CDHR1: variants seen among roughly 807,000 people sequenced by gnomAD.
CDHR1 encodes cadherin-related family member 1.
In CDHR1, 61 loss-of-function variants were observed where a neutral mutation model predicts 72.1. The ratio of observed to expected loss-of-function variants is 0.85; its 90% CI spans 0.69 to 1.05. The LOEUF is 1.05. Among genes scored for constraint, CDHR1 ranks in the 50% least tolerant of loss-of-function variants. The pLI is 0.00. For missense variants in CDHR1, 1,186 were observed against 1,115.7 expected, an observed-to-expected ratio of 1.06 and a Z score of -0.90; for synonymous variants, 470 against 448.1, an observed-to-expected ratio of 1.05 and a Z score of -0.62.
chr10:84,197,970 C>T (rs1247877273), intron 4 of CDHR1, 134 bp downstream of exon 4: 9 of 806,676 alleles, frequency 1.1e-5, no homozygotes, highest in Non-Finnish European at 1.7e-5. Context: ...GCAAGACCTG[C>T]CCAAAGTGCC....
Position 84,216,828 on chromosome 10 carries a change from C to A in CDHR1, c.*2207C>A. 2.0e-6 allele frequency: 2 copies of A among 985,512 alleles called. No homozygotes were observed. Among genetic ancestry groups the A allele is most frequent in the Non-Finnish European group, 2.4e-6 (2 of 829,976 alleles). The allele number at this position is 985,512 out of a possible 1,614,324, so 61.0% of individuals were successfully genotyped here. On this transcript the variant is annotated 3_prime_UTR_variant, in exon 17 of 17. Transcript: ENST00000623527. ...GAGCTAGAATTAATTGCCCACTCTC[C>A]CACCCTACCAGTGCAGCCCGGCAAG...
intron 11 of CDHR1, 150 bp downstream of exon 11, chr10:84,208,527 G>C (rs1842271569): frequency 3.0e-6 from 3 of 1,002,398 alleles, no homozygotes; most frequent in Non-Finnish European, 4.6e-6. Context: ...GTAACCAAGG[G>C]GGAGAGGAGG....
chr10:84,202,738 A>C (rs78818045), intron 7 of CDHR1, among the ~76,000 whole-genome samples: 1 of 152,184 alleles, frequency 6.6e-6, no homozygotes, highest in Admixed American at 6.5e-5. Flanking sequence ...CCTGCCACTC[A>C]TCTGATATGA....
At position 84,201,962 on chromosome 10, in the gene CDHR1, C is replaced by T. The variant is rs535375339; in HGVS notation, c.639+42C>T. On this transcript the variant is annotated intron_variant, in intron 7 of 16. Transcript: ENST00000623527. ...GGGGAGCATCCAGTGTCTCCTCAGC[C>T]CTTGGGTTGGAACCAAGTTAGGTTC... 71 of 1,495,926 alleles carry T rather than the reference C, an allele frequency of 4.7e-5. 1 individual carries two copies. In the South Asian group the frequency reaches 6.9e-4, roughly 14 times the overall value. The allele number at this position is 1,495,926 out of a possible 1,614,324, so 92.7% of individuals were successfully genotyped here. A position where few individuals can be genotyped will look rare whatever the true frequency, so the allele number is the denominator to read the frequency against.
intron 9 of CDHR1, among the ~76,000 whole-genome samples, chr10:84,205,160 A>C (rs74145748): frequency 0.026 from 3,949 of 152,210 alleles, 161 homozygotes; most frequent in African/African-American, 0.089. Flanking sequence ...ACTGAGCCAG[A>C]TGAGCTGTCC....
rs992764361 is a variant in CDHR1, at chr10:84,218,392, C to T, written c.*3771C>T. On this transcript the variant is annotated 3_prime_UTR_variant, in exon 17 of 17. Coordinates refer to ENST00000623527, the MANE Select transcript of CDHR1 (RefSeq NM_033100.4). ...CCCCTTTTGAGGCCTGAATGAGGTTCGGTTATTTATTCATTTCTCAATAAT... is the reference window on the plus strand; with the variant it reads ...CCCCTTTTGAGGCCTGAATGAGGTTTGGTTATTTATTCATTTCTCAATAAT... 15 of 985,226 alleles carry T rather than the reference C, an allele frequency of 1.5e-5. No individual in the cohort carries two copies. The African/African-American group carries it at 2.1e-4, about 14-fold the overall frequency. 61.0% of individuals were successfully genotyped at this position (985,226 alleles called of 1,614,324 possible).
At chr10:84,198,449 T>C (rs1842065557) in intron 4 of CDHR1, among the ~76,000 whole-genome samples, 1 of 152,196 alleles carries the variant, frequency 6.6e-6, no homozygotes, top group Admixed American at 6.5e-5. Flanking sequence ...CAGGCCATAA[T>C]CTAGCCATAA....
chr10:84,199,170 G>T, intron 5 of CDHR1, 49 bp downstream of exon 5: 1 of 1,477,170 alleles, frequency 6.8e-7, no homozygotes, highest in Non-Finnish European at 9.3e-7. Flanking sequence ...CAGGCCCATA[G>T]CCTACCCCTG....
At chr10:84,202,052 C>T in intron 7 of CDHR1, 132 bp downstream of exon 7, 4 of 749,680 alleles carry the variant, frequency 5.3e-6, no homozygotes, top group Non-Finnish European at 9.3e-6. Context: ...TAGGGAGCAG[C>T]TGCTCGGAAT....
chr10:84,219,198 C>G, downstream of CDHR1: 1 of 1,550,860 alleles, frequency 6.4e-7, no homozygotes, highest in Non-Finnish European at 8.7e-7. Flanking sequence ...TGCATCCCCA[C>G]TGCGAAATTG....
chr10:84,205,796 G>A, intron 9 of CDHR1, 31 bp from the exon 10 acceptor site: 1 of 1,521,850 alleles, frequency 6.6e-7, no homozygotes, highest in Non-Finnish European at 9.1e-7. Context: ...GTGGTCCTGT[G>A]CAGAACTTCA....
At position 84,210,988 on chromosome 10, in the gene CDHR1, C is replaced by T. The variant is rs200115700; in HGVS notation, c.1321-13C>T. On this transcript the variant is annotated splice_polypyrimidine_tract_variant and intron_variant, in intron 12 of 16. Coordinates refer to ENST00000623527, the MANE Select transcript of CDHR1 (RefSeq NM_033100.4). ...GCCTACCCAGACAAGTCCCCATTTT[C>T]CCCCCTTCCCAGCTCCTGGCTGTTG... The T allele has an allele frequency of 5.3e-5, 85 of 1,614,096 alleles. No homozygotes were observed. Among genetic ancestry groups the T allele is most frequent in the Non-Finnish European group, 6.5e-5 (77 of 1,179,948 alleles).
chr10:84,197,868 C>A (rs537943056), intron 4 of CDHR1, 32 bp downstream of exon 4: 30 of 1,606,872 alleles, frequency 1.9e-5, no homozygotes, highest in Non-Finnish European at 2.6e-5. Context: ...TCCCTGGCAG[C>A]CTGCAGTATT....
At chr10:84,195,794 C>A (rs963794772) in intron 2 of CDHR1, among the ~76,000 whole-genome samples, 5 of 152,222 alleles carry the variant, frequency 3.3e-5, no homozygotes, top group African/African-American at 1.2e-4. Context: ...GAGACCAGGG[C>A]TCCCCCCCAC....
At position 84,216,391 on chromosome 10, in the gene CDHR1, G is replaced by C. The variant is rs537201585; in HGVS notation, c.*1770G>C. On this transcript the variant is annotated 3_prime_UTR_variant, in exon 17 of 17. Transcript: ENST00000623527. ...CCAGGAGCCCAGACTGAGCAAATAAGTACTTTCCAGCCTGTGTTTCAGGAG... is the reference window on the plus strand; with the variant it reads ...CCAGGAGCCCAGACTGAGCAAATAACTACTTTCCAGCCTGTGTTTCAGGAG... The C allele has an allele frequency of 2.7e-4, 271 of 985,524 alleles. 1 individual carries two copies. The Middle Eastern group carries it at 6.8e-3, about 25-fold the overall frequency. 61.0% of individuals were successfully genotyped at this position (985,524 alleles called of 1,614,324 possible).
Position 84,194,717 on chromosome 10 carries a change from C to A in CDHR1, c.-44C>A. 6.9e-7 allele frequency: 1 copy of A among 1,450,906 alleles called. No individual in the cohort carries two copies. The highest frequency in any genetic ancestry group is 9.0e-7 in the Non-Finnish European group (1 of 1,110,846). The allele number at this position is 1,450,906 out of a possible 1,614,324, so 89.9% of individuals were successfully genotyped here. On this transcript the variant is annotated 5_prime_UTR_variant, in exon 1 of 17. Coordinates refer to ENST00000623527, the MANE Select transcript of CDHR1 (RefSeq NM_033100.4). Reference sequence around the variant, plus strand: ...CCAGGGCATGCTCCGTGCCCCTGCGCCCGGTCTCGGCGGCGGCAGGCGACA... The same window carrying A: ...CCAGGGCATGCTCCGTGCCCCTGCGACCGGTCTCGGCGGCGGCAGGCGACA...
Position 84,214,667 on chromosome 10 carries a change from C to T in CDHR1, c.*46C>T. On this transcript the variant is annotated 3_prime_UTR_variant, in exon 17 of 17. Coordinates refer to ENST00000623527, the MANE Select transcript of CDHR1 (RefSeq NM_033100.4). ...ATCTTTCCTCCGCCCCTGACCCCCA[C>T]CACCCTGCTGCTCGGACTATGCTCC... 1 of 1,598,612 alleles carries T rather than the reference C, an allele frequency of 6.3e-7. No homozygotes were observed. The highest frequency in any genetic ancestry group is 8.5e-7 in the Non-Finnish European group (1 of 1,179,504).
At position 84,216,189 on chromosome 10, in the gene CDHR1, C is replaced by G. The variant is rs1842423142; in HGVS notation, c.*1568C>G. On this transcript the variant is annotated 3_prime_UTR_variant, in exon 17 of 17. Coordinates refer to ENST00000623527, the MANE Select transcript of CDHR1 (RefSeq NM_033100.4). Reference sequence around the variant, plus strand: ...TGCATTTGGCTCTACTTACTAACAACCCCTCTAGAATACATTGGTGATTTC... The same window carrying G: ...TGCATTTGGCTCTACTTACTAACAAGCCCTCTAGAATACATTGGTGATTTC... The G allele has an allele frequency of 2.0e-6, 2 of 985,306 alleles. No individual in the cohort carries two copies. Among genetic ancestry groups the G allele is most frequent in the African/African-American group, 1.7e-5 (1 of 57,230 alleles). The allele number at this position is 985,306 out of a possible 1,614,324, so 61.0% of individuals were successfully genotyped here.
In CDHR1 at chr10:84,201,826, C is replaced by T. The variant is rs1842130236; in HGVS notation, c.545C>T (p.Ala182Val). The T allele has an allele frequency of 1.2e-6, 2 of 1,610,432 alleles. No individual in the cohort carries two copies. The highest frequency in any genetic ancestry group is 8.5e-7 in the Non-Finnish European group (1 of 1,179,986). Residue 182 changes from alanine (A) to valine (V), a missense_variant, in exon 7 of 17, where the codon GCC becomes GTC. Physicochemically the swap from Ala to Val is moderately conservative, Grantham distance 64. Coordinates refer to ENST00000623527, the MANE Select transcript of CDHR1 (RefSeq NM_033100.4). ...TTATAGAACCTGCACTCCCCATTTG[C>T]CGTGGACCGCCACAGCGGTGTGCTG... ...YFLQNLHSPF[A>V]VDRHSGVLRL...
Sources: gnomAD v4.1 joint callset for allele counts (sites outside exome capture counted in the v4.1 genomes callset) on GRCh38, gnomAD v4.1.1 for gene constraint, MANE v1.5 for transcripts, NCBI Gene and HGNC (gene_info 2026-07-23, HGNC 2026-07-21) for gene names.